The following DLG2 variants were observed in gnomAD, a reference collection of about 807,000 sequenced individuals.
The protein encoded by DLG2 is disks large homolog 2.
Under a neutral mutation model 132.5 loss-of-function variants are expected in DLG2, and 45 were observed. That is an observed-to-expected ratio of 0.34 (90% confidence interval 0.27 to 0.44). The LOEUF (loss-of-function observed/expected upper bound fraction) is 0.44. Among genes scored for constraint, DLG2 ranks in the 20% least tolerant of loss-of-function variants. DLG2 has a pLI of 1.00. For missense variants in DLG2, 1,045 were observed against 1,196.9 expected (o/e 0.87, Z 1.87); for synonymous variants, 424 against 419.6 (o/e 1.01, Z -0.13).
chr11:85,467,374 C>A (rs1010738133), intron 3 of DLG2, among the ~76,000 whole-genome samples: 2 of 152,150 alleles, frequency 1.3e-5, no homozygotes, highest in African/African-American at 4.8e-5. Flanking sequence ...GAGAGGGCAT[C>A]CCTGTCTTGT....
chr11:85,511,161 G>A (rs954796710), intron 3 of DLG2, among the ~76,000 whole-genome samples: 6 of 151,982 alleles, frequency 3.9e-5, no homozygotes, highest in Admixed American at 2.6e-4. Flanking sequence ...TCATAGATGG[G>A]AATTGAACAA....
intron 7 of DLG2, among the ~76,000 whole-genome samples, chr11:84,530,674 T>G (rs1415326564): frequency 6.6e-6 from 1 of 152,198 alleles, no homozygotes; most frequent in Non-Finnish European, 1.5e-5. Context: ...ACAGTGCTGG[T>G]AGGAATACCA....
At chr11:85,003,684 A>G (rs545021039) in intron 6 of DLG2, among the ~76,000 whole-genome samples, 1 of 152,240 alleles carries the variant, frequency 6.6e-6, no homozygotes, top group Non-Finnish European at 1.5e-5. Flanking sequence ...GATAACTTCT[A>G]GTCCTATAGA....
At chr11:84,974,407 T>C (rs2054571296) in intron 6 of DLG2, among the ~76,000 whole-genome samples, 1 of 152,206 alleles carries the variant, frequency 6.6e-6, no homozygotes, top group South Asian at 2.1e-4. Flanking sequence ...GGTAATTTAG[T>C]TAACTTTCTA....
intron 6 of DLG2, chr11:84,720,832 C>T (rs2061744321): frequency 6.6e-6 from 1 of 152,170 alleles, no homozygotes. Context: ...TGAAATTATT[C>T]CCTCTGAAGA....
rs1230371345 is a variant in DLG2 at position 84,754,438 on chromosome 11, T to C, written c.358-219707A>G. 2.0e-5 allele frequency among the ~76,000 whole-genome samples: 3 copies of C among 152,302 alleles called. No homozygotes were observed. The East Asian group carries it at 5.8e-4, about 29-fold the overall frequency. On this transcript the variant is annotated intron_variant, in intron 6 of 27. Transcript: ENST00000376104. ...AATAATCTGGAAATGTTTGAGTAAA[T>C]GATCTTATTTAATAGATAAATAACA...
intron 19 of DLG2, among the ~76,000 whole-genome samples, chr11:83,577,602 G>T (rs2096896685): frequency 2.0e-4 from 15 of 74,150 alleles, no homozygotes; most frequent in South Asian, 4.2e-4. Context: ...TTTATAATAG[G>T]ATATATATTA....
In DLG2 at chr11:84,289,372, T is replaced by C. The variant is rs147917855; in HGVS notation, c.520-38081A>G. Among the ~76,000 whole-genome samples the C allele has an allele frequency of 9.2e-4, 140 of 152,212 alleles. 3 individuals carry two copies. In the East Asian group the frequency reaches 0.024, roughly 26 times the overall value. ...GAATCAGCCAAACCTTGGCCTTCAT[T>C]GACCTATTTTTTTAATACAGAAAAA... On this transcript the variant is annotated intron_variant, in intron 7 of 27. Coordinates refer to ENST00000376104, the MANE Select transcript of DLG2 (RefSeq NM_001142699.3).
At chr11:84,937,384 C>A (rs916611887) in intron 6 of DLG2, among the ~76,000 whole-genome samples, 143 of 132,324 alleles carry the variant, frequency 1.1e-3, no homozygotes, top group Non-Finnish European at 1.3e-3. Context: ...CATACCAGAC[C>A]AAAAAAAAAA....
rs144056675 is a variant in DLG2, at chr11:85,344,137, C to T, written c.41-58772G>A. 3.5e-3 allele frequency among the ~76,000 whole-genome samples: 538 copies of T among 152,266 alleles called. 4 individuals are homozygous for T. Among genetic ancestry groups the T allele is most frequent in the African/African-American group, 0.013 (528 of 41,554 alleles). ...AATAAAGCATTTTACTTCTTTGTAC[C>T]TCTGTCCACCTATAAAATGCAAATA... On this transcript the variant is annotated intron_variant, in intron 3 of 27. Coordinates refer to ENST00000376104, the MANE Select transcript of DLG2 (RefSeq NM_001142699.3).
At chr11:84,869,663 C>T (rs1183491457) in intron 6 of DLG2, among the ~76,000 whole-genome samples, 2 of 152,110 alleles carry the variant, frequency 1.3e-5, no homozygotes, top group African/African-American at 4.8e-5. Context: ...AGAAACCCTA[C>T]AATAAATCAT....
At chr11:85,269,481 G>A (rs1327014955) in intron 4 of DLG2, among the ~76,000 whole-genome samples, 1 of 152,214 alleles carries the variant, frequency 6.6e-6, no homozygotes, top group Non-Finnish European at 1.5e-5. Context: ...AAAATTAAGA[G>A]TAAAGATTGT....
At chr11:84,102,877 T>C (rs1237247183) in intron 9 of DLG2, among the ~76,000 whole-genome samples, 1 of 152,174 alleles carries the variant, frequency 6.6e-6, no homozygotes, top group East Asian at 1.9e-4. Context: ...ACTGTTTTTC[T>C]TTTGAATTGA....
chr11:85,346,119 A>G (rs1005336829), intron 3 of DLG2, among the ~76,000 whole-genome samples: 3 of 152,050 alleles, frequency 2.0e-5, no homozygotes, highest in South Asian at 4.1e-4. Context: ...CGTCCACCTT[A>G]GGTACGATGC....
intron 6 of DLG2, among the ~76,000 whole-genome samples, chr11:84,754,155 G>T (rs1380525454): frequency 6.6e-6 from 1 of 152,162 alleles, no homozygotes; most frequent in African/African-American, 2.4e-5. Flanking sequence ...AAGGGTAAAA[G>T]AAATTAAGAC....
intron 3 of DLG2, among the ~76,000 whole-genome samples, chr11:85,444,824 T>C (rs1399565298): frequency 1.3e-5 from 2 of 152,250 alleles, no homozygotes; most frequent in Admixed American, 1.3e-4. Flanking sequence ...TTCTTGTAGT[T>C]ACTTTTAATA....
intron 2 of DLG2, among the ~76,000 whole-genome samples, chr11:85,626,193 C>T (rs1404018098): frequency 6.6e-6 from 1 of 152,192 alleles, no homozygotes; most frequent in Non-Finnish European, 1.5e-5. Flanking sequence ...TACTTTGCTA[C>T]CTTTCACAAT....
intron 19 of DLG2, among the ~76,000 whole-genome samples, chr11:83,548,854 G>A (rs1257475410): frequency 6.6e-6 from 1 of 151,956 alleles, no homozygotes; most frequent in African/African-American, 2.4e-5. Flanking sequence ...TACCTCTCTG[G>A]GAAGCCTACA....
At chr11:83,678,537 T>TCATGCAAATA (rs2078169853) in intron 18 of DLG2, among the ~76,000 whole-genome samples, 1 of 152,118 alleles carries the variant, frequency 6.6e-6, no homozygotes, top group African/African-American at 2.4e-5. Context: ...TTTCCTACCC[T>TCATGCAAATA]CATGCAAATA....
Sources: gnomAD v4.1 joint callset for allele counts (sites outside exome capture counted in the v4.1 genomes callset) on GRCh38, gnomAD v4.1.1 for gene constraint, MANE v1.5 for transcripts, NCBI Gene and HGNC (gene_info 2026-07-23, HGNC 2026-07-21) for gene names.